Variants in SURF6 observed in about 807,000 individuals in gnomAD.
The protein encoded by SURF6 is surfeit 6.
A neutral mutation model predicts 37.5 loss-of-function variants in SURF6; 28 were observed. The observed-to-expected ratio is 0.75, with a 90% confidence interval of 0.55 to 1.02. The LOEUF (loss-of-function observed/expected upper bound fraction) is 1.02. Among genes scored for constraint, SURF6 ranks in the 50% least tolerant of loss-of-function variants. SURF6 has a pLI of 0.00. For synonymous variants in SURF6, 248 were observed against 210.9 expected (o/e 1.18, Z -1.52); for missense variants, 560 against 490.5 (o/e 1.14, Z -1.34).
Position 133,332,355 on chromosome 9 carries a change from G to A in SURF6, c.607-7C>T, listed in dbSNP as rs1835764335. 5.1e-6 allele frequency: 8 copies of A among 1,568,752 alleles called. No individual in the cohort carries two copies. The East Asian group carries it at 6.7e-5, about 13-fold the overall frequency. On this transcript the variant is annotated splice_polypyrimidine_tract_variant and splice_region_variant and intron_variant, in intron 4 of 4. Transcript: ENST00000372022. The stretch of plus-strand genomic sequence containing the variant: ...CGTCTTCGCTCACCTCCACCTGGGA[G>A]GAAGGTATGACATCAGCTCATGCCA...
intron 1 of SURF6, 106 bp downstream of exon 1, chr9:133,335,933 G>A (rs1564335322): frequency 8.2e-6 from 7 of 857,114 alleles, no homozygotes; most frequent in South Asian, 5.3e-5. Context: ...AATTTCACAA[G>A]TCACTTAGAT....
chr9:133,336,154 C>G lies in SURF6; in HGVS notation c.-22G>C, dbSNP rs2129934779. 1 of 1,589,210 alleles carries G rather than the reference C, an allele frequency of 6.3e-7. No individual in the cohort carries two copies. Among genetic ancestry groups the G allele is most frequent in the Admixed American group, 1.7e-5 (1 of 59,254 alleles). On this transcript the variant is annotated 5_prime_UTR_variant, in exon 1 of 5. Transcript: ENST00000372022. The stretch of plus-strand genomic sequence containing the variant: ...CCATGGCGGAGACCCGGGCCGTTCA[C>G]GACTCACACCTTCCCCGCTGCGCGT...
chr9:133,333,002 G>A (rs942775986), intron 3 of SURF6: 2 of 578,648 alleles, frequency 3.5e-6, no homozygotes, highest in African/African-American at 1.9e-5. Flanking sequence ...CCCGTGCCAG[G>A]ATACATTACG....
intron 2 of SURF6, among the ~76,000 whole-genome samples, chr9:133,334,068 C>G (rs2119043683): frequency 6.6e-6 from 1 of 152,266 alleles, no homozygotes; most frequent in South Asian, 2.1e-4. Context: ...AATTTTGTAG[C>G]CTGGGCCCCA....
rs2129917857 is a variant in SURF6, at chr9:133,332,339, T to A, written c.616A>T (p.Ser206Cys). ...PGLIFNKVEV[S>C]EDEPASKAQR... ...GCCTTGCTGGCCGGCTCGTCTTCGC[T>A]CACCTCCACCTGGGAGGAAGGTATG... Residue 206 changes from serine to cysteine, a missense_variant, in exon 5 of 5, where the codon AGC (serine) becomes TGC (cysteine). Coordinates refer to ENST00000372022, the MANE Select transcript of SURF6 (RefSeq NM_006753.6). 1.2e-5 allele frequency: 19 copies of A among 1,578,858 alleles called. No homozygotes were observed. Among genetic ancestry groups the A allele is most frequent in the Non-Finnish European group, 1.6e-5 (19 of 1,164,668 alleles).
rs1835665060 is a variant in SURF6 at position 133,329,396 on chromosome 9, G to C, written c.*2473C>G. 2 of 255,546 alleles carry C rather than the reference G, an allele frequency of 7.8e-6. No homozygotes were observed. Among genetic ancestry groups the C allele is most frequent in the Non-Finnish European group, 1.6e-5 (2 of 124,982 alleles). The allele number at this position is 255,546 out of a possible 1,614,324, so 15.8% of individuals were successfully genotyped here. A position where few individuals can be genotyped will look rare whatever the true frequency, so the allele number is the denominator to read the frequency against. On this transcript the variant is annotated 3_prime_UTR_variant, in exon 5 of 5. Coordinates refer to ENST00000372022, the MANE Select transcript of SURF6 (RefSeq NM_006753.6). ...AGAGTCTTCTCTAAACTCCTCCAGG[G>C]AAAGGGACACTCCCTTTCCCGGTCT...
At chr9:133,332,444 C>G (rs1277989930) in intron 4 of SURF6, 96 bp from the exon 5 acceptor site, 2 of 1,537,694 alleles carry the variant, frequency 1.3e-6, no homozygotes, top group Non-Finnish European at 1.7e-6. Context: ...CCGTCACCAC[C>G]TTACAGACAT....
Position 133,333,716 on chromosome 9 carries a change from A to G in SURF6, c.393+2T>C. On this transcript the variant is annotated splice_donor_variant, in intron 3 of 4. Transcript: ENST00000372022. LOFTEE classifies it high-confidence loss of function. ...GGCACTCCAGCAAACCTGCCCGCCT[A>G]CCTGGCCCCGGGCCTCCTGGATCTT... 1 of 1,612,938 alleles carries G rather than the reference A, an allele frequency of 6.2e-7. No individual in the cohort carries two copies. Among genetic ancestry groups the G allele is most frequent in the Non-Finnish European group, 8.5e-7 (1 of 1,179,238 alleles).
intron 3 of SURF6, among the ~76,000 whole-genome samples, chr9:133,333,269 G>A (rs1388422183): frequency 1.3e-5 from 2 of 152,164 alleles, no homozygotes; most frequent in Non-Finnish European, 2.9e-5. Flanking sequence ...ACTGTACCTC[G>A]GGATGGCGGA....
At chr9:133,334,713 CG>C (rs2129928951) in intron 1 of SURF6, 112 bp from the exon 2 acceptor site, 2 of 1,306,018 alleles carry the variant, frequency 1.5e-6, no homozygotes, top group South Asian at 1.4e-5. Context: ...GGATCAGGAT[CG>C]GGGGCCAGAG....
rs2129933608 is a variant in SURF6 at position 133,336,041 on chromosome 9, C to A, written c.92G>T (p.Arg31Leu). The A allele has an allele frequency of 7.4e-6, 12 of 1,611,038 alleles. No homozygotes were observed. Among genetic ancestry groups the A allele is most frequent in the Non-Finnish European group, 1.0e-5 (12 of 1,179,726 alleles). Residue 31 changes from arginine (R) to leucine (L), a missense_variant and splice_region_variant, in exon 1 of 5, where the codon CGG becomes CTG. Transcript: ENST00000372022. The stretch of plus-strand genomic sequence containing the variant: ...CCCGGCCCGGCCCTGTGCGTTACCC[C>A]GCGTGCGCGCCTGCTGTTCCGGGGC... ...HSAPEQQART[R>L]AGKTQGSETA...
chr9:133,332,249 AGTTCCTCCCGGTCAGCGGC>A lies in SURF6; in HGVS notation c.687_705del (p.Pro230ThrfsTer33). 6.2e-7 allele frequency: 1 copy of A among 1,604,612 alleles called. No individual in the cohort carries two copies. The highest frequency in any genetic ancestry group is 8.5e-7 in the Non-Finnish European group (1 of 1,179,712). The stretch of plus-strand genomic sequence containing the variant: ...TGCAGGCGCTCCAGCAGCTGCCGGT[AGTTCCTCCCGGTCAGCGGC>A]GTGAGGTTCCCCTTCACCCTCTGCC... On this transcript the variant is annotated frameshift_variant, in exon 5 of 5. Transcript: ENST00000372022. LOFTEE classifies it high-confidence loss of function.
In SURF6 at chr9:133,330,135, C is replaced by T. The variant is rs1835688168; in HGVS notation, c.*1734G>A. 6.6e-6 allele frequency: 1 copy of T among 151,946 alleles called. No individual in the cohort carries two copies. Among genetic ancestry groups the T allele is most frequent in the South Asian group, 2.1e-4 (1 of 4,826 alleles). The allele number at this position is 151,946 out of a possible 1,614,324, so 9.4% of individuals were successfully genotyped here. ...TTATTTTTCTTTAGCTTTAAAAATA[C>T]AGACATACAGCGTATGTGTGTATAA... is the stretch of plus-strand genomic sequence containing the variant. On this transcript the variant is annotated 3_prime_UTR_variant, in exon 5 of 5. Coordinates refer to ENST00000372022, the MANE Select transcript of SURF6 (RefSeq NM_006753.6).
chr9:133,333,952 T>G, intron 2 of SURF6, 146 bp from the exon 3 acceptor site: 2 of 688,682 alleles, frequency 2.9e-6, no homozygotes, highest in Non-Finnish European at 5.1e-6. Context: ...CAACCTGGAC[T>G]GGTTCCTACA....
At chr9:133,334,707 C>A in intron 1 of SURF6, 106 bp from the exon 2 acceptor site, 1 of 1,369,598 alleles carries the variant, frequency 7.3e-7, no homozygotes, top group Non-Finnish European at 9.9e-7. Flanking sequence ...GAAAGAGGAT[C>A]AGGATCGGGG....
chr9:133,333,672 A>G, intron 3 of SURF6, 46 bp downstream of exon 3: 1 of 1,576,952 alleles, frequency 6.3e-7, no homozygotes, highest in South Asian at 1.1e-5. Context: ...CCCAGGGAGA[A>G]CACAGGCAGA....
intron 1 of SURF6, among the ~76,000 whole-genome samples, chr9:133,335,731 C>T (rs1285920876): frequency 6.7e-6 from 1 of 149,782 alleles, no homozygotes. Flanking sequence ...AAAAAATTAG[C>T]TGGGCGTGGT....
rs1835650861 is a variant in SURF6 at position 133,328,893 on chromosome 9, A to G, written c.*2976T>C. 6.5e-6 allele frequency: 1 copy of G among 152,706 alleles called. No homozygotes were observed. The highest frequency in any genetic ancestry group is 2.4e-5 in the African/African-American group (1 of 41,462). 9.5% of individuals were successfully genotyped at this position (152,706 alleles called of 1,614,324 possible). ...TGTGTGCAGCAATGAGAGAGTGTAG[A>G]AATACACACACAAGACAAAGAGATA... is the stretch of plus-strand genomic sequence containing the variant. On this transcript the variant is annotated 3_prime_UTR_variant, in exon 5 of 5. Coordinates refer to ENST00000372022, the MANE Select transcript of SURF6 (RefSeq NM_006753.6).
Position 133,329,544 on chromosome 9 carries a change from G to A in SURF6, c.*2325C>T, listed in dbSNP as rs2129903078. The A allele has an allele frequency of 1.6e-5, 3 of 189,490 alleles. No homozygotes were observed. The highest frequency in any genetic ancestry group is 8.2e-5 in the South Asian group (1 of 12,128). The allele number at this position is 189,490 out of a possible 1,614,324, so 11.7% of individuals were successfully genotyped here. On this transcript the variant is annotated 3_prime_UTR_variant, in exon 5 of 5. Transcript: ENST00000372022. Reference sequence around the variant, plus strand: ...GACCAAGGAGCCCTCTGGTGGCCCTGTCCGGGCATAACAGAAGGCTCGCAC... The same window carrying A: ...GACCAAGGAGCCCTCTGGTGGCCCTATCCGGGCATAACAGAAGGCTCGCAC...
Sources: gnomAD v4.1 joint callset for allele counts (sites outside exome capture counted in the v4.1 genomes callset) on GRCh38, gnomAD v4.1.1 for gene constraint, MANE v1.5 for transcripts, NCBI Gene and HGNC (gene_info 2026-07-23, HGNC 2026-07-21) for gene names.